Variants in GAP43 observed in about 807,000 individuals in gnomAD.
The protein encoded by GAP43 is neuromodulin.
A neutral mutation model predicts 18.6 loss-of-function variants in GAP43; 6 were observed. That is an observed-to-expected ratio of 0.32 (90% confidence interval 0.18 to 0.64). The LOEUF (loss-of-function observed/expected upper bound fraction) is 0.64, where lower values mean the gene tolerates loss of function less well. Ranked by LOEUF, GAP43 falls within the 30% of genes least tolerant of loss-of-function variation. The pLI is 0.78. For missense variants in GAP43, 292 were observed against 295.5 expected (o/e 0.99, Z 0.09); for synonymous variants, 115 against 111.4 (o/e 1.03, Z -0.20).
intron 1 of GAP43, among the ~76,000 whole-genome samples, chr3:115,651,007 C>T (rs917042002): frequency 6.6e-6 from 1 of 152,048 alleles, no homozygotes; most frequent in African/African-American, 2.4e-5. Context: ...TGGCATGCCT[C>T]TGTAGTCCCA....
chr3:115,641,135 G>T (rs1223335567), intron 1 of GAP43, among the ~76,000 whole-genome samples: 1 of 150,074 alleles, frequency 6.7e-6, no homozygotes, highest in Non-Finnish European at 1.5e-5. Flanking sequence ...AAAGTGCTGG[G>T]ATTACAGGTG....
intron 1 of GAP43, among the ~76,000 whole-genome samples, chr3:115,624,181 A>G (rs937013202): frequency 6.6e-6 from 1 of 152,154 alleles, no homozygotes; most frequent in Non-Finnish European, 1.5e-5. Context: ...GCTGCGGAAG[A>G]TGCCTTATTT....
chr3:115,708,734 C>T (rs1449809786), intron 2 of GAP43, among the ~76,000 whole-genome samples: 1 of 152,100 alleles, frequency 6.6e-6, no homozygotes, highest in Non-Finnish European at 1.5e-5. Context: ...CTATACCTTA[C>T]CCAAGTGGCA....
intron 2 of GAP43, among the ~76,000 whole-genome samples, chr3:115,678,111 A>G (rs762508023): frequency 6.6e-6 from 1 of 152,218 alleles, no homozygotes. Flanking sequence ...AAGGTAAGGC[A>G]TGTGATAAAA....
chr3:115,714,205 T>C (rs928151524), intron 2 of GAP43, among the ~76,000 whole-genome samples: 1 of 152,224 alleles, frequency 6.6e-6, no homozygotes, highest in Non-Finnish European at 1.5e-5. Flanking sequence ...ACATTTTCTT[T>C]CTTCCCTTTT....
At chr3:115,718,569 A>T (rs1368226587) in intron 2 of GAP43, among the ~76,000 whole-genome samples, 2 of 152,192 alleles carry the variant, frequency 1.3e-5, no homozygotes, top group African/African-American at 4.8e-5. Context: ...TCACTTTGGA[A>T]AGCTATAGCC....
rs1708880067 is a variant in GAP43 at position 115,676,067 on chromosome 3, G to A, written c.85G>A (p.Asp29Asn). ...KIEQDGIKPEDKAHKAATKIQ... is the reference protein window; with the variant it reads ...KIEQDGIKPENKAHKAATKIQ... ...TGAACAAGATGGTATCAAACCAGAA[G>A]ATAAAGCTCATAAGGCCGCAACCAA... Residue 29 changes from aspartate (D) to asparagine (N), a missense_variant, in exon 2 of 3, where the codon GAT becomes AAT. Coordinates refer to ENST00000305124, the MANE Select transcript of GAP43 (RefSeq NM_002045.4). 1 of 1,613,962 alleles carries A rather than the reference G, an allele frequency of 6.2e-7. No individual in the cohort carries two copies. The highest frequency in any genetic ancestry group is 1.3e-5 in the African/African-American group (1 of 74,878).
chr3:115,670,129 A>C (rs1708798126), intron 1 of GAP43, among the ~76,000 whole-genome samples: 1 of 122,356 alleles, frequency 8.2e-6, no homozygotes, highest in Admixed American at 8.2e-5. Flanking sequence ...TATATCTCCC[A>C]ATGCTATCCC....
intron 2 of GAP43, among the ~76,000 whole-genome samples, chr3:115,712,052 G>C (rs1474671446): frequency 2.0e-5 from 3 of 152,070 alleles, no homozygotes; most frequent in African/African-American, 4.8e-5. Context: ...TTGATGATTT[G>C]ATAGACATTT....
chr3:115,671,646 G>T (rs572170138), intron 1 of GAP43, among the ~76,000 whole-genome samples: 4 of 152,212 alleles, frequency 2.6e-5, no homozygotes, highest in African/African-American at 7.2e-5. Flanking sequence ...TACTTAATTC[G>T]CAGATATCAA....
chr3:115,691,525 C>CAGTA (rs1382041225), intron 2 of GAP43, among the ~76,000 whole-genome samples: 1 of 152,208 alleles, frequency 6.6e-6, no homozygotes, highest in Non-Finnish European at 1.5e-5. Flanking sequence ...ATTGAACACA[C>CAGTA]AGTAAGTGCC....
At chr3:115,690,564 C>G (rs1709096169) in intron 2 of GAP43, among the ~76,000 whole-genome samples, 1 of 151,902 alleles carries the variant, frequency 6.6e-6, no homozygotes, top group Non-Finnish European at 1.5e-5. Flanking sequence ...TAAAATGTTA[C>G]CCTTAAACAG....
chr3:115,651,368 T>G (rs1329181897), intron 1 of GAP43, among the ~76,000 whole-genome samples: 1 of 152,128 alleles, frequency 6.6e-6, no homozygotes, highest in Non-Finnish European at 1.5e-5. Context: ...TTTGAAAAGT[T>G]AAGTTAGTGT....
intron 2 of GAP43, among the ~76,000 whole-genome samples, chr3:115,710,699 A>C (rs180715187): frequency 6.6e-6 from 1 of 152,270 alleles, no homozygotes; most frequent in Non-Finnish European, 1.5e-5. Flanking sequence ...ATAGCAAAAA[A>C]ATTTCATTAT....
At chr3:115,675,485 G>T (rs1233967885) in intron 1 of GAP43, among the ~76,000 whole-genome samples, 1 of 152,192 alleles carries the variant, frequency 6.6e-6, no homozygotes, top group Non-Finnish European at 1.5e-5. Flanking sequence ...CCAGTGGCCA[G>T]ATGCGGTGGC....
chr3:115,628,701 C>A (rs1334449771), intron 1 of GAP43, among the ~76,000 whole-genome samples: 1 of 152,092 alleles, frequency 6.6e-6, no homozygotes, highest in East Asian at 1.9e-4. Context: ...TGCTCAGTCT[C>A]CTTATAGGCT....
At chr3:115,632,069 T>G (rs1024350528) in intron 1 of GAP43, among the ~76,000 whole-genome samples, 3 of 152,100 alleles carry the variant, frequency 2.0e-5, no homozygotes, top group African/African-American at 7.2e-5. Flanking sequence ...TACCCACTGT[T>G]TTTCTTTTTA....
chr3:115,675,689 G>C (rs1306395925), intron 1 of GAP43, among the ~76,000 whole-genome samples: 2 of 149,290 alleles, frequency 1.3e-5, no homozygotes, highest in Non-Finnish European at 3.0e-5. Context: ...AACCTGGGAG[G>C]CGGAGGTTGC....
intron 2 of GAP43, among the ~76,000 whole-genome samples, chr3:115,698,058 AAT>A (rs1205957042): frequency 3.9e-5 from 2 of 51,630 alleles, no homozygotes; most frequent in East Asian, 8.8e-4. Flanking sequence ...TATTATATAA[AAT>A]ATATATTATA....
Sources: gnomAD v4.1 joint callset for allele counts (sites outside exome capture counted in the v4.1 genomes callset) on GRCh38, gnomAD v4.1.1 for gene constraint, MANE v1.5 for transcripts, NCBI Gene and HGNC (gene_info 2026-07-23, HGNC 2026-07-21) for gene names.